LPIN2: variants seen among roughly 807,000 people sequenced by gnomAD.
LPIN2 encodes the protein phosphatidate phosphatase LPIN2.
A neutral mutation model predicts 111.4 loss-of-function variants in LPIN2; 55 were observed. The ratio of observed to expected loss-of-function variants is 0.49; its 90% CI spans 0.40 to 0.62. The LOEUF (loss-of-function observed/expected upper bound fraction) is 0.62, where lower values mean the gene tolerates loss of function less well. Ranked by LOEUF, LPIN2 falls within the 20% of genes least tolerant of loss-of-function variation. The probability of loss-of-function intolerance (pLI) is 0.00; values close to 1 mark genes in which losing one functional copy is unlikely to be tolerated. For synonymous variants in LPIN2, 425 were observed against 414.0 expected, an observed-to-expected ratio of 1.03 and a Z score of -0.32; for missense variants, 992 against 1,112.1, an observed-to-expected ratio of 0.89 and a Z score of 1.54.
chr18:2,932,418 GT>G (rs1412904253), intron 8 of LPIN2, among the ~76,000 whole-genome samples: 1 of 152,180 alleles, frequency 6.6e-6, no homozygotes, highest in Non-Finnish European at 1.5e-5. Context: ...CTAGGTAACA[GT>G]TTCAAAACCT....
rs377186689 is a variant in LPIN2 at position 2,925,185 on chromosome 18, A to G, written c.1938+39T>C. 139 of 1,613,222 alleles carry G rather than the reference A, an allele frequency of 8.6e-5. No individual in the cohort carries two copies. In the African/African-American group the frequency reaches 1.3e-3, roughly 15 times the overall value. Reference sequence around the variant, plus strand: ...TGCATCAAATTAAACCATTACTAAAATAAGTCCTACTGGACAACACAGATC... The same window carrying G: ...TGCATCAAATTAAACCATTACTAAAGTAAGTCCTACTGGACAACACAGATC... On this transcript the variant is annotated intron_variant, in intron 14 of 19. Coordinates refer to ENST00000677752, the MANE Select transcript of LPIN2 (RefSeq NM_001375808.2). This position sits in a 1 kb window ranked among gnomAD's most constrained non-coding sequence, Gnocchi z 4.1.
At chr18:2,923,652 G>T in intron 16 of LPIN2, 123 bp downstream of exon 16, 1 of 860,548 alleles carries the variant, frequency 1.2e-6, no homozygotes, top group Non-Finnish European at 2.0e-6. Context: ...GAGTGAGGAA[G>T]AGCGGGAATG....
intron 4 of LPIN2, chr18:2,946,143 GT>G: frequency 6.2e-7 from 1 of 1,605,552 alleles, no homozygotes; most frequent in Non-Finnish European, 8.5e-7. Context: ...GACAGTTTAA[GT>G]TTATCAAGTG....
At chr18:2,960,233 C>A (rs4399614) in intron 2 of LPIN2, among the ~76,000 whole-genome samples, 150,593 of 150,594 alleles carry the variant, frequency 1, 75,296 homozygotes, top group Non-Finnish European at 1. Context: ...TGATTATACC[C>A]ACCTATTCCA....
chr18:2,974,497 A>G (rs1248364475), intron 1 of LPIN2, among the ~76,000 whole-genome samples: 1 of 152,216 alleles, frequency 6.6e-6, no homozygotes, highest in African/African-American at 2.4e-5. Flanking sequence ...CACATGTGGG[A>G]TTTGCTTAAA....
chr18:2,994,539 T>C (rs187756254), intron 1 of LPIN2, among the ~76,000 whole-genome samples: 16 of 152,370 alleles, frequency 1.1e-4, no homozygotes, highest in African/African-American at 3.8e-4. Context: ...ATTTTATACA[T>C]GTATACAATG....
chr18:2,986,424 T>G (rs191780394), intron 1 of LPIN2, among the ~76,000 whole-genome samples: 11 of 150,788 alleles, frequency 7.3e-5, no homozygotes, highest in Admixed American at 5.3e-4. Context: ...AGGGAGGGTC[T>G]CCTGAGGTCA....
intron 1 of LPIN2, among the ~76,000 whole-genome samples, chr18:2,989,357 T>C (rs1405676964): frequency 6.6e-6 from 1 of 152,138 alleles, no homozygotes; most frequent in African/African-American, 2.4e-5. Flanking sequence ...GGTGAAAGCT[T>C]GTACAAATAA....
At chr18:2,994,457 G>A (rs1014072251) in intron 1 of LPIN2, among the ~76,000 whole-genome samples, 3 of 152,228 alleles carry the variant, frequency 2.0e-5, no homozygotes, top group African/African-American at 7.2e-5. Flanking sequence ...GGCCATGGGG[G>A]TGGTGACTGG....
chr18:2,930,957 G>A (rs2077203998), intron 9 of LPIN2, among the ~76,000 whole-genome samples: 1 of 152,176 alleles, frequency 6.6e-6, no homozygotes, highest in South Asian at 2.1e-4. Flanking sequence ...TGAGAAAACT[G>A]GTGCAGTGTG....
At chr18:2,924,822 C>A (rs1005726910) in intron 14 of LPIN2, among the ~76,000 whole-genome samples, 1 of 152,252 alleles carries the variant, frequency 6.6e-6, no homozygotes, top group Non-Finnish European at 1.5e-5. Flanking sequence ...GCTTTAGCCA[C>A]AGCCTGCTCT....
chr18:2,996,463 A>G (rs2078344035), intron 1 of LPIN2, among the ~76,000 whole-genome samples: 1 of 132,988 alleles, frequency 7.5e-6, no homozygotes, highest in Non-Finnish European at 1.6e-5. Flanking sequence ...TCCCAGGAAA[A>G]TATCTTTTTT....
At chr18:2,958,356 A>G (rs1234382783) in intron 2 of LPIN2, among the ~76,000 whole-genome samples, 1 of 152,024 alleles carries the variant, frequency 6.6e-6, no homozygotes, top group Non-Finnish European at 1.5e-5. Context: ...GAAAATTATT[A>G]TACTACATCT....
At chr18:2,991,651 G>A (rs2078266862) in intron 1 of LPIN2, among the ~76,000 whole-genome samples, 3 of 152,096 alleles carry the variant, frequency 2.0e-5, no homozygotes, top group Admixed American at 6.5e-5. Flanking sequence ...GGTCGAGGCT[G>A]CAGTGAGCCG....
intron 1 of LPIN2, among the ~76,000 whole-genome samples, chr18:3,003,423 T>C (rs1388174691): frequency 1.3e-5 from 2 of 152,200 alleles, no homozygotes. Context: ...CCTGGATTTC[T>C]GAACTGTTGC....
chr18:2,966,531 T>C (rs2077806834), intron 1 of LPIN2, among the ~76,000 whole-genome samples: 1 of 152,198 alleles, frequency 6.6e-6, no homozygotes, highest in Non-Finnish European at 1.5e-5. Flanking sequence ...CAAACTCAAG[T>C]ATGAGCCTAG....
At chr18:2,954,473 T>C (rs980853981) in intron 3 of LPIN2, 31 bp downstream of exon 3, 1 of 1,515,072 alleles carries the variant, frequency 6.6e-7, no homozygotes, top group African/African-American at 1.4e-5. Context: ...GAGCACACTG[T>C]GTAAGGAGGG....
At chr18:2,964,927 G>A (rs1349767765) in intron 1 of LPIN2, among the ~76,000 whole-genome samples, 2 of 152,022 alleles carry the variant, frequency 1.3e-5, no homozygotes, top group Non-Finnish European at 2.9e-5. Flanking sequence ...GAACTGATTG[G>A]GTCTACTCTG....
At chr18:2,941,574 A>G (rs945068347) in intron 4 of LPIN2, among the ~76,000 whole-genome samples, 1 of 152,210 alleles carries the variant, frequency 6.6e-6, no homozygotes, top group Non-Finnish European at 1.5e-5. Flanking sequence ...TTCAGAGTCA[A>G]TGTGAGAGTT....
Sources: gnomAD v4.1 joint callset for allele counts (sites outside exome capture counted in the v4.1 genomes callset) on GRCh38, gnomAD v4.1.1 for gene constraint, Gnocchi (gnomAD v3.1) non-coding constraint, MANE v1.5 for transcripts, NCBI Gene and HGNC (gene_info 2026-07-23, HGNC 2026-07-21) for gene names.